The following EDAR variants were observed in gnomAD, a reference collection of about 807,000 sequenced individuals.
EDAR encodes ectodysplasin A receptor.
Under a neutral mutation model 51.3 loss-of-function variants are expected in EDAR, and 38 were observed. That is an observed-to-expected ratio of 0.74 (90% CI 0.57 to 0.97). EDAR has a LOEUF of 0.97. EDAR is among the 50% of genes least tolerant of loss of function. The pLI is 0.00. For missense variants in EDAR, 528 were observed against 595.0 expected, an observed-to-expected ratio of 0.89 and a Z score of 1.17; for synonymous variants, 227 against 242.1, an observed-to-expected ratio of 0.94 and a Z score of 0.58.
At chr2:108,930,348 G>T (rs1697343551) in intron 2 of EDAR, 106 bp from the exon 3 acceptor site, 2 of 1,295,798 alleles carry the variant, frequency 1.5e-6, no homozygotes, top group East Asian at 2.3e-5. Context: ...TGCGGTGGGG[G>T]CTCTGCTGGG....
chr2:108,935,755 C>T (rs1166073824), intron 1 of EDAR, among the ~76,000 whole-genome samples: 1 of 152,214 alleles, frequency 6.6e-6, no homozygotes, highest in Non-Finnish European at 1.5e-5. Context: ...ATGTGGCAAT[C>T]TTATAGGCCC....
intron 1 of EDAR, among the ~76,000 whole-genome samples, chr2:108,957,803 C>T (rs1185339797): frequency 6.6e-6 from 1 of 152,194 alleles, no homozygotes; most frequent in Non-Finnish European, 1.5e-5. Flanking sequence ...CCTTTTGCTC[C>T]TCTAATTGAT....
In EDAR at chr2:108,894,511, T is replaced by A. The variant is rs1034194687; in HGVS notation, c.*2396A>T. The A allele has an allele frequency of 1.3e-5, 2 of 152,184 alleles. No homozygotes were observed. The highest frequency in any genetic ancestry group is 3.9e-4 in the East Asian group (2 of 5,192). The allele number at this position is 152,184 out of a possible 1,614,324, so 9.4% of individuals were successfully genotyped here. ...TATTGAGATTATAAAATATAATAAG[T>A]TATATATATACAGAATTAGACAAAA... On this transcript the variant is annotated 3_prime_UTR_variant, in exon 12 of 12. Coordinates refer to ENST00000258443, the MANE Select transcript of EDAR (RefSeq NM_022336.4).
intron 1 of EDAR, among the ~76,000 whole-genome samples, chr2:108,953,389 T>C (rs1040411202): frequency 2.0e-5 from 3 of 152,176 alleles, no homozygotes; most frequent in African/African-American, 4.8e-5. Context: ...GTTCCACAAA[T>C]TGTAGATACT....
chr2:108,939,247 A>G (rs989617550), intron 1 of EDAR, among the ~76,000 whole-genome samples: 5 of 152,072 alleles, frequency 3.3e-5, no homozygotes, highest in Admixed American at 3.3e-4. Flanking sequence ...GCACGATCTC[A>G]GCTCACTGCA....
chr2:108,897,874 GA>G (rs1301466447), intron 11 of EDAR, among the ~76,000 whole-genome samples: 1 of 152,146 alleles, frequency 6.6e-6, no homozygotes, highest in Admixed American at 6.5e-5. Context: ...ACAAATACAA[GA>G]AGTCTGAAAA....
intron 1 of EDAR, among the ~76,000 whole-genome samples, chr2:108,952,829 T>C (rs1303460525): frequency 2.6e-5 from 4 of 152,250 alleles, no homozygotes; most frequent in Non-Finnish European, 4.4e-5. Flanking sequence ...TAAATAGCAC[T>C]GAGTTTTACT....
intron 1 of EDAR, among the ~76,000 whole-genome samples, chr2:108,942,262 T>A (rs1697615802): frequency 6.6e-6 from 1 of 152,190 alleles, no homozygotes; most frequent in Non-Finnish European, 1.5e-5. Context: ...AGCGACTTGC[T>A]AAGGTCACAC....
chr2:108,976,920 C>T (rs562852020), intron 1 of EDAR, among the ~76,000 whole-genome samples: 259 of 152,240 alleles, frequency 1.7e-3, no homozygotes, highest in Middle Eastern at 6.8e-3. Flanking sequence ...TCCAAGGAGT[C>T]CTGGTTCCTT....
chr2:108,918,787 G>A lies in EDAR; in HGVS notation c.442+4581C>T, dbSNP rs564590014. 4.6e-5 allele frequency among the ~76,000 whole-genome samples: 7 copies of A among 152,234 alleles called. 1 individual carries two copies. Among genetic ancestry groups the A allele is most frequent in the African/African-American group, 1.7e-4 (7 of 41,546 alleles). On this transcript the variant is annotated intron_variant, in intron 5 of 11. Coordinates refer to ENST00000258443, the MANE Select transcript of EDAR (RefSeq NM_022336.4). ...GAGGTCTGTTAATCCACACAATTTA[G>A]AATCTCACCAGTATGCATTAGAGGC...
chr2:108,965,144 A>AT (rs1446695581), intron 1 of EDAR, among the ~76,000 whole-genome samples: 11 of 152,188 alleles, frequency 7.2e-5, no homozygotes, highest in African/African-American at 2.4e-4. Flanking sequence ...ACTGGTATTT[A>AT]TTTTTTGAGT....
chr2:108,955,037 C>A (rs901583211), intron 1 of EDAR, among the ~76,000 whole-genome samples: 2 of 152,086 alleles, frequency 1.3e-5, no homozygotes, highest in African/African-American at 4.8e-5. Flanking sequence ...ACTGGCACAT[C>A]TCCCTGAGGG....
intron 1 of EDAR, among the ~76,000 whole-genome samples, chr2:108,980,566 C>T (rs1225006932): frequency 6.6e-6 from 1 of 151,928 alleles, no homozygotes; most frequent in Non-Finnish European, 1.5e-5. Context: ...ATGTATAAGT[C>T]GTTGAGTGGA....
chr2:108,958,072 G>A (rs770584987), intron 1 of EDAR, among the ~76,000 whole-genome samples: 4 of 151,928 alleles, frequency 2.6e-5, no homozygotes, highest in Non-Finnish European at 5.9e-5. Context: ...TACCATGCCC[G>A]TGAGCCTCAC....
At chr2:108,971,647 G>A (rs549322832) in intron 1 of EDAR, among the ~76,000 whole-genome samples, 1 of 152,304 alleles carries the variant, frequency 6.6e-6, no homozygotes, top group African/African-American at 2.4e-5. Context: ...CTCATTTTAT[G>A]GAAGAAGAAA....
chr2:108,938,905 G>C (rs1030761995), intron 1 of EDAR, among the ~76,000 whole-genome samples: 9 of 142,568 alleles, frequency 6.3e-5, no homozygotes, highest in South Asian at 2.2e-4. Flanking sequence ...TCAGCCTCTC[G>C]AGTAGCTGCG....
At chr2:108,927,487 G>A (rs1697278554) in intron 4 of EDAR, among the ~76,000 whole-genome samples, 1 of 152,152 alleles carries the variant, frequency 6.6e-6, no homozygotes, top group African/African-American at 2.4e-5. Flanking sequence ...AACCAAGCAC[G>A]TGGTCTTCAG....
chr2:108,929,400 G>C (rs372555652), intron 3 of EDAR, 21 bp from the exon 4 acceptor site: 1 of 1,613,664 alleles, frequency 6.2e-7, no homozygotes, highest in Non-Finnish European at 8.5e-7. Flanking sequence ...AAAGAGGACA[G>C]GGGACACAGG....
chr2:108,900,412 G>A (rs2105377567), intron 11 of EDAR, among the ~76,000 whole-genome samples: 1 of 152,196 alleles, frequency 6.6e-6, no homozygotes, highest in Admixed American at 6.5e-5. Context: ...AAAATTAGCT[G>A]GTGTGGTGGC....
Sources: allele counts gnomAD v4.1 joint callset (sites outside exome capture counted in the v4.1 genomes callset), GRCh38; gene constraint gnomAD v4.1.1; transcripts MANE v1.5; gene names NCBI Gene and HGNC (gene_info 2026-07-23, HGNC 2026-07-21).